ST18: variants seen among roughly 807,000 people sequenced by gnomAD.
ST18 encodes the protein suppression of tumorigenicity 18 protein.
Under a neutral mutation model 110.0 loss-of-function variants are expected in ST18, and 50 were observed. The ratio of observed to expected loss-of-function variants is 0.45; its 90% CI spans 0.36 to 0.58. ST18 has a LOEUF of 0.58. Among genes scored for constraint, ST18 ranks in the 20% least tolerant of loss-of-function variants. The pLI is 0.00. For missense variants in ST18, 1,306 were observed against 1,280.1 expected (o/e 1.02, Z -0.31); for synonymous variants, 461 against 452.4 (o/e 1.02, Z -0.24).
At chr8:52,354,861 G>A (rs1821980868) in intron 2 of ST18, among the ~76,000 whole-genome samples, 1 of 152,222 alleles carries the variant, frequency 6.6e-6, no homozygotes, top group African/African-American at 2.4e-5. Context: ...AGTGCTTGGT[G>A]CTAGAGCACA....
At position 52,118,319 on chromosome 8, in the gene ST18, A is replaced by T; in HGVS notation, c.2859+19T>A. 1 of 1,506,176 alleles carries T rather than the reference A, an allele frequency of 6.6e-7. No individual in the cohort carries two copies. Among genetic ancestry groups the T allele is most frequent in the East Asian group, 2.3e-5 (1 of 44,236 alleles). 93.3% of individuals were successfully genotyped at this position (1,506,176 alleles called of 1,614,324 possible). On this transcript the variant is annotated intron_variant, in intron 24 of 25. Coordinates refer to ENST00000689386, the MANE Select transcript of ST18 (RefSeq NM_001352837.2). ...GATTATGATTACATTAAGGATCATG[A>T]ATTACTTCTTTTTTTTACCTGGGTC...
chr8:52,235,157 G>A (rs973161771), intron 2 of ST18, among the ~76,000 whole-genome samples: 5 of 151,860 alleles, frequency 3.3e-5, no homozygotes, highest in Non-Finnish European at 7.4e-5. Context: ...AAAATTACAC[G>A]ATGAATGCCA....
intron 2 of ST18, among the ~76,000 whole-genome samples, chr8:52,344,199 T>A (rs1816553492): frequency 6.6e-6 from 1 of 152,256 alleles, no homozygotes; most frequent in Admixed American, 6.5e-5. Flanking sequence ...CCCCAAAGCA[T>A]TCTAAGTAGT....
At chr8:52,249,949 C>T (rs767607523) in intron 2 of ST18, among the ~76,000 whole-genome samples, 3 of 152,140 alleles carry the variant, frequency 2.0e-5, no homozygotes, top group South Asian at 2.1e-4. Context: ...AGCAGTTTCT[C>T]CTTCCTCCTT....
At chr8:52,117,697 G>T (rs2043041581) in intron 24 of ST18, among the ~76,000 whole-genome samples, 1 of 152,180 alleles carries the variant, frequency 6.6e-6, no homozygotes, top group Admixed American at 6.5e-5. Context: ...TAAAAATCCT[G>T]CATTTCAGAA....
At chr8:52,323,695 G>A (rs1348955644) in intron 2 of ST18, among the ~76,000 whole-genome samples, 3 of 152,126 alleles carry the variant, frequency 2.0e-5, no homozygotes, top group Non-Finnish European at 2.9e-5. Context: ...CAGTCTCTGA[G>A]CTTCTAGATT....
rs1307203663 is a variant in ST18 at position 52,149,857 on chromosome 8, A to G, written c.1927T>C (p.Ser643Pro). The G allele has an allele frequency of 6.2e-7, 1 of 1,614,000 alleles. No homozygotes were observed. Among genetic ancestry groups the G allele is most frequent in the Non-Finnish European group, 8.5e-7 (1 of 1,180,026 alleles). ...AGAATGCTGCTTGTTTTGAATGGGGAAGAGGAAGGAGTTGGAATAGAAGTG... is the reference window on the plus strand; with the variant it reads ...AGAATGCTGCTTGTTTTGAATGGGGGAGAGGAAGGAGTTGGAATAGAAGTG... ...SNTSIPTPSS[S>P]PFKTSSILVN... The change falls in exon 16 of 26, where the codon TCC becomes CCC. Residue 643 changes from serine to proline, a missense_variant. Physicochemically the swap from Ser to Pro is moderately conservative, Grantham distance 74. Coordinates refer to ENST00000689386, the MANE Select transcript of ST18 (RefSeq NM_001352837.2).
intron 6 of ST18, among the ~76,000 whole-genome samples, chr8:52,216,770 C>T (rs968489579): frequency 2.6e-5 from 4 of 152,132 alleles, no homozygotes; most frequent in East Asian, 1.9e-4. Context: ...ATTATTCTCA[C>T]GGACCTCAAT....
chr8:52,185,853 T>C (rs186912984), intron 8 of ST18, among the ~76,000 whole-genome samples: 1 of 152,170 alleles, frequency 6.6e-6, no homozygotes, highest in African/African-American at 2.4e-5. Context: ...TGTGAGATAA[T>C]ATCTTCACGA....
chr8:52,330,763 G>A (rs546152063), intron 2 of ST18, among the ~76,000 whole-genome samples: 1 of 152,254 alleles, frequency 6.6e-6, no homozygotes, highest in African/African-American at 2.4e-5. Flanking sequence ...TGAACACTGT[G>A]TCTGGGCAAT....
chr8:52,357,422 C>T (rs1823256084), intron 2 of ST18, among the ~76,000 whole-genome samples: 1 of 151,444 alleles, frequency 6.6e-6, no homozygotes, highest in African/African-American at 2.4e-5. Flanking sequence ...CAACTATATA[C>T]TACTTATAAA....
At chr8:52,225,216 A>G (rs1346713401) in intron 3 of ST18, among the ~76,000 whole-genome samples, 3 of 152,250 alleles carry the variant, frequency 2.0e-5, no homozygotes, top group Non-Finnish European at 4.4e-5. Context: ...TCTCTGCAAG[A>G]TGATTTAACT....
chr8:52,201,555 C>T (rs1162788280), intron 8 of ST18, among the ~76,000 whole-genome samples: 11 of 152,136 alleles, frequency 7.2e-5, no homozygotes, highest in Admixed American at 2.0e-4. Context: ...GTGAGCCTCC[C>T]GGAGTAGTTC....
At chr8:52,230,502 C>T (rs1427283399) in intron 2 of ST18, among the ~76,000 whole-genome samples, 2 of 152,058 alleles carry the variant, frequency 1.3e-5, no homozygotes, top group African/African-American at 4.8e-5. Context: ...GTACTTTTCC[C>T]AGGGTTAATT....
intron 2 of ST18, among the ~76,000 whole-genome samples, chr8:52,317,632 T>C (rs1057509701): frequency 5.9e-5 from 9 of 152,238 alleles, no homozygotes; most frequent in African/African-American, 2.2e-4. Flanking sequence ...TCTCCCACTT[T>C]CTCTGGAATT....
chr8:52,217,217 T>C (rs1044018845), intron 6 of ST18, among the ~76,000 whole-genome samples: 11 of 152,216 alleles, frequency 7.2e-5, no homozygotes, highest in Admixed American at 2.6e-4. Context: ...GGCATTTATA[T>C]ACTTCATTCT....
intron 2 of ST18, among the ~76,000 whole-genome samples, chr8:52,316,240 C>T (rs1485347358): frequency 1.3e-5 from 2 of 152,080 alleles, no homozygotes; most frequent in Admixed American, 6.5e-5. Context: ...AATGTGCCTC[C>T]CTTTAAGCAA....
chr8:52,234,608 G>T (rs1319602113), intron 2 of ST18, among the ~76,000 whole-genome samples: 4 of 152,048 alleles, frequency 2.6e-5, no homozygotes, highest in East Asian at 1.9e-4. Flanking sequence ...CAGAGGAAAA[G>T]AAGTCATTAT....
At chr8:52,386,927 G>C (rs1837026961) in intron 2 of ST18, among the ~76,000 whole-genome samples, 1 of 152,116 alleles carries the variant, frequency 6.6e-6, no homozygotes, top group Non-Finnish European at 1.5e-5. Flanking sequence ...AATCCAACTA[G>C]TATAATTAAA....
Sources: allele counts gnomAD v4.1 joint callset (sites outside exome capture counted in the v4.1 genomes callset), GRCh38; gene constraint gnomAD v4.1.1; transcripts MANE v1.5; gene names NCBI Gene and HGNC (gene_info 2026-07-23, HGNC 2026-07-21).